Variants in WDR72 observed in about 807,000 individuals in gnomAD.
The protein encoded by WDR72 is WD repeat domain 72.
In WDR72, 120 loss-of-function variants were observed where a neutral mutation model predicts 124.2. The observed-to-expected ratio is 0.97, with a 90% confidence interval of 0.83 to 1.12. The LOEUF is 1.12. WDR72 is among the 50% of genes most tolerant of loss of function. WDR72 has a pLI of 0.00. For synonymous variants in WDR72, 452 were observed against 441.7 expected, an observed-to-expected ratio of 1.02 and a Z score of -0.29; for missense variants, 1,387 against 1,278.8, an observed-to-expected ratio of 1.08 and a Z score of -1.29.
chr15:53,716,769 A>AGT (rs6145564), intron 3 of WDR72, 84 bp from the exon 4 acceptor site: 216 of 955,626 alleles, frequency 2.3e-4, no homozygotes, highest in Middle Eastern at 4.2e-4. Context: ...GTTTTTCTTT[A>AGT]GCAGCCTGAT....
In WDR72 at chr15:53,660,527, T is replaced by A. The variant is rs553367759; in HGVS notation, c.1962+5045A>T. Among the ~76,000 whole-genome samples the A allele has an allele frequency of 3.9e-3, 597 of 152,192 alleles. 3 individuals carry two copies. The highest frequency in any genetic ancestry group is 6.5e-3 in the Non-Finnish European group (444 of 67,958). ...AAGAGGTATGAGAATAAAACTCTAA[T>A]AAAAATTTTCAGCAAATGGTACCAG... On this transcript the variant is annotated intron_variant, in intron 14 of 19. Coordinates refer to ENST00000360509, the MANE Select transcript of WDR72 (RefSeq NM_182758.4).
intron 17 of WDR72, among the ~76,000 whole-genome samples, chr15:53,597,787 G>A (rs1268586049): frequency 6.6e-6 from 1 of 152,108 alleles, no homozygotes; most frequent in African/African-American, 2.4e-5. Context: ...GTTTTACATA[G>A]ATTAAAGTAT....
rs753425468 is a variant in WDR72 at position 53,616,050 on chromosome 15, G to A, written c.2156C>T (p.Thr719Ile). 1.2e-6 allele frequency: 2 copies of A among 1,612,510 alleles called. No individual in the cohort carries two copies. The highest frequency in any genetic ancestry group is 1.7e-6 in the Non-Finnish European group (2 of 1,179,114). Residue 719 changes from threonine to isoleucine, a missense_variant, in exon 15 of 20, where the codon ACA becomes ATA. Thr to Ile is a moderately conservative substitution (Grantham distance 89, BLOSUM62 -1). Transcript: ENST00000360509. ...CAGTGTCAGTGTCTTCTTCTCCACT[G>A]TGCTCTTGGCTCTTCTCAGGACCTC... The part of the protein sequence containing the change: ...GGEVLRRAKS[T>I]VEKKTLTLRK...
intron 14 of WDR72, among the ~76,000 whole-genome samples, chr15:53,632,428 C>T (rs1043990624): frequency 9.2e-5 from 14 of 151,990 alleles, no homozygotes; most frequent in African/African-American, 2.4e-4. Context: ...AGAAGTCTGC[C>T]GCAGGAGTGG....
upstream of WDR72, among the ~76,000 whole-genome samples, chr15:53,760,011 T>A (rs1223973283): frequency 1.3e-5 from 1 of 78,808 alleles, no homozygotes; most frequent in African/African-American, 4.2e-5. Flanking sequence ...AGATGAGGCC[T>A]CAACCTTTTT....
chr15:53,663,051 G>A (rs538189257), intron 14 of WDR72, among the ~76,000 whole-genome samples: 1 of 151,046 alleles, frequency 6.6e-6, no homozygotes, highest in African/African-American at 2.4e-5. Flanking sequence ...TTGTGCTGGA[G>A]TGCAGTGGCA....
At chr15:53,709,055 G>T (rs1202246276) in intron 9 of WDR72, among the ~76,000 whole-genome samples, 3 of 152,186 alleles carry the variant, frequency 2.0e-5, no homozygotes, top group Non-Finnish European at 4.4e-5. Context: ...CAAAAAATGA[G>T]TTCAGACAAT....
intron 18 of WDR72, among the ~76,000 whole-genome samples, chr15:53,533,480 A>G (rs1445739861): frequency 1.3e-5 from 2 of 152,094 alleles, no homozygotes; most frequent in African/African-American, 4.8e-5. Context: ...TTAAATTAAG[A>G]CAAGTCATAC....
intron 18 of WDR72, among the ~76,000 whole-genome samples, chr15:53,541,658 G>A (rs1395786810): frequency 6.6e-6 from 1 of 151,686 alleles, no homozygotes. Context: ...ACTTTGACGA[G>A]CTGAGAGAAG....
chr15:53,669,872 CA>C (rs2140458882), intron 13 of WDR72, among the ~76,000 whole-genome samples: 1 of 152,290 alleles, frequency 6.6e-6, no homozygotes, highest in South Asian at 2.1e-4. Context: ...TTGCTTAATT[CA>C]ACTTCCAATT....
intron 6 of WDR72, 34 bp downstream of exon 6, chr15:53,714,400 T>G: frequency 6.5e-7 from 1 of 1,535,508 alleles, no homozygotes; most frequent in Non-Finnish European, 9.0e-7. Context: ...TGCTTGAAAT[T>G]GTAAGGAAAA....
At chr15:53,614,520 C>T (rs570730365) in intron 15 of WDR72, among the ~76,000 whole-genome samples, 7 of 152,150 alleles carry the variant, frequency 4.6e-5, no homozygotes, top group South Asian at 2.1e-4. Context: ...AGTCAACCAA[C>T]GTGTGACAAC....
intron 18 of WDR72, among the ~76,000 whole-genome samples, chr15:53,569,056 C>A (rs746821987): frequency 6.8e-6 from 1 of 147,576 alleles, no homozygotes; most frequent in Non-Finnish European, 1.5e-5. Context: ...AGGGAGTTTA[C>A]TGAAAACATA....
intron 18 of WDR72, among the ~76,000 whole-genome samples, chr15:53,587,968 T>C (rs532185421): frequency 2.6e-5 from 4 of 152,046 alleles, no homozygotes; most frequent in Non-Finnish European, 5.9e-5. Flanking sequence ...TGCCTTCAAA[T>C]ACTTGTCAGC....
At chr15:53,643,637 C>A (rs1398069576) in intron 14 of WDR72, among the ~76,000 whole-genome samples, 2 of 152,060 alleles carry the variant, frequency 1.3e-5, no homozygotes, top group Admixed American at 6.6e-5. Context: ...GAGCCTGAAT[C>A]TGGTCTTTTC....
intron 18 of WDR72, among the ~76,000 whole-genome samples, chr15:53,538,744 C>A (rs1892899881): frequency 6.6e-6 from 1 of 151,902 alleles, no homozygotes; most frequent in African/African-American, 2.4e-5. Context: ...ATACTGCTAC[C>A]CGCCCTGGCT....
chr15:53,721,006 G>T (rs2017861407), intron 3 of WDR72, among the ~76,000 whole-genome samples: 1 of 152,136 alleles, frequency 6.6e-6, no homozygotes, highest in African/African-American at 2.4e-5. Context: ...AAATAATGGG[G>T]CAAGCCTAGT....
At chr15:53,588,314 G>A (rs1261005199) in intron 18 of WDR72, among the ~76,000 whole-genome samples, 1 of 151,966 alleles carries the variant, frequency 6.6e-6, no homozygotes, top group African/African-American at 2.4e-5. Context: ...TGCCCTCAAG[G>A]AGTTCACAGA....
intron 18 of WDR72, among the ~76,000 whole-genome samples, chr15:53,565,539 C>T (rs1001094043): frequency 1.3e-5 from 2 of 151,932 alleles, no homozygotes; most frequent in Admixed American, 6.6e-5. Flanking sequence ...ATACTATGCA[C>T]AGTTCAGCAT....
Sources: gnomAD v4.1 joint callset for allele counts (sites outside exome capture counted in the v4.1 genomes callset) on GRCh38, gnomAD v4.1.1 for gene constraint, MANE v1.5 for transcripts, NCBI Gene and HGNC (gene_info 2026-07-23, HGNC 2026-07-21) for gene names.